HTR1F: variants seen among roughly 807,000 people sequenced by gnomAD.
HTR1F encodes the protein 5-hydroxytryptamine (serotonin) receptor 1F, G protein-coupled.
Under a neutral mutation model 24.0 loss-of-function variants are expected in HTR1F, and 17 were observed. That is an observed-to-expected ratio of 0.71 (90% CI 0.48 to 1.06). The LOEUF is 1.06. HTR1F is among the 50% of genes least tolerant of loss of function. The pLI is 0.00. For missense variants in HTR1F, 391 were observed against 427.8 expected (o/e 0.91, Z 0.76); for synonymous variants, 186 against 156.8 (o/e 1.19, Z -1.39).
At chr3:87,876,258 A>T (rs1705671224) in intron 2 of HTR1F, among the ~76,000 whole-genome samples, 1 of 152,194 alleles carries the variant, frequency 6.6e-6, no homozygotes, top group Non-Finnish European at 1.5e-5. Flanking sequence ...CTGGGTATAT[A>T]TCTCCAAAAT....
At chr3:87,811,581 G>T (rs1344151960) in intron 1 of HTR1F, among the ~76,000 whole-genome samples, 1 of 152,118 alleles carries the variant, frequency 6.6e-6, no homozygotes, top group East Asian at 1.9e-4. Flanking sequence ...CCAAATGAAA[G>T]TGTTTTGACT....
chr3:87,975,939 A>G (rs1233354510), intron 2 of HTR1F, among the ~76,000 whole-genome samples: 1 of 152,316 alleles, frequency 6.6e-6, no homozygotes, highest in African/African-American at 2.4e-5. Context: ...ACTGACAGCA[A>G]TTAGCACTCA....
intron 1 of HTR1F, among the ~76,000 whole-genome samples, chr3:87,811,222 T>C (rs1047341376): frequency 6.6e-6 from 1 of 151,986 alleles, no homozygotes; most frequent in Admixed American, 6.6e-5. Context: ...TGATTTACCA[T>C]AGATCTGCCT....
chr3:87,982,933 G>T (rs1705582949), intron 2 of HTR1F, among the ~76,000 whole-genome samples: 1 of 151,280 alleles, frequency 6.6e-6, no homozygotes, highest in African/African-American at 2.4e-5. Context: ...TCTGTTTCTT[G>T]ACTTGATACA....
rs73847720 is a variant in HTR1F at position 87,927,144 on chromosome 3, G to A, written c.-42-63564G>A. On this transcript the variant is annotated intron_variant, in intron 2 of 2. Transcript: ENST00000319595. Reference sequence around the variant, plus strand: ...CTGTCAAACAAAAAACTAGTACCATGGTTATATGCCACAACTTAAGTGTAG... The same window carrying A: ...CTGTCAAACAAAAAACTAGTACCATAGTTATATGCCACAACTTAAGTGTAG... Among the ~76,000 whole-genome samples the A allele has an allele frequency of 4.6e-3, 699 of 152,162 alleles. 3 individuals are homozygous for A. The highest frequency in any genetic ancestry group is 0.016 in the African/African-American group (666 of 41,528).
rs1409303998 is a variant in HTR1F at position 87,953,101 on chromosome 3, A to G, written c.-42-37607A>G. Reference sequence around the variant, plus strand: ...TAAGACATGAAACTATTAAACTACTAGAATAAATATAGGGAAAACATTTCA... The same window carrying G: ...TAAGACATGAAACTATTAAACTACTGGAATAAATATAGGGAAAACATTTCA... On this transcript the variant is annotated intron_variant, in intron 2 of 2. Coordinates refer to ENST00000319595, the MANE Select transcript of HTR1F (RefSeq NM_001322209.2). Among the ~76,000 whole-genome samples the G allele has an allele frequency of 2.0e-5, 3 of 151,860 alleles. No individual in the cohort carries two copies. The East Asian group carries it at 5.8e-4, about 29-fold the overall frequency.
At chr3:87,825,060 T>C (rs944806747) in intron 2 of HTR1F, among the ~76,000 whole-genome samples, 5 of 152,242 alleles carry the variant, frequency 3.3e-5, no homozygotes, top group African/African-American at 9.6e-5. Context: ...AATTGTGCAA[T>C]GGTCAAAGCA....
At position 87,876,122 on chromosome 3, in the gene HTR1F, T is replaced by C. The variant is rs138757547; in HGVS notation, c.-43+53998T>C. ...AAAATAACAAGTGTTGGGAAGGATG[T>C]GTAGAATTGGAGACTTTGTGTGCTG... On this transcript the variant is annotated intron_variant, in intron 2 of 2. Coordinates refer to ENST00000319595, the MANE Select transcript of HTR1F (RefSeq NM_001322209.2). Among the ~76,000 whole-genome samples the C allele has an allele frequency of 1.6e-3, 248 of 152,228 alleles. 1 individual carries two copies. Among genetic ancestry groups the C allele is most frequent in the South Asian group, 3.3e-3 (16 of 4,818 alleles).
At chr3:87,923,459 T>A (rs1036657521) in intron 2 of HTR1F, among the ~76,000 whole-genome samples, 6 of 151,970 alleles carry the variant, frequency 3.9e-5, no homozygotes, top group African/African-American at 1.2e-4. Flanking sequence ...ATTTTTTTGG[T>A]CCTTGATTAA....
chr3:87,927,127 C>G (rs1704144441), intron 2 of HTR1F, among the ~76,000 whole-genome samples: 1 of 152,012 alleles, frequency 6.6e-6, no homozygotes, highest in Admixed American at 6.6e-5. Flanking sequence ...ACCTGTCAAA[C>G]AAAAAACTAG....
chr3:87,848,841 T>C (rs1481705765), intron 2 of HTR1F, among the ~76,000 whole-genome samples: 1 of 151,538 alleles, frequency 6.6e-6, no homozygotes, highest in Non-Finnish European at 1.5e-5. Context: ...AAATCATGAG[T>C]GAACTCCCAT....
chr3:87,941,830 C>T (rs938558186), intron 2 of HTR1F, among the ~76,000 whole-genome samples: 4 of 152,068 alleles, frequency 2.6e-5, no homozygotes, highest in African/African-American at 9.7e-5. Flanking sequence ...GGACAATGGC[C>T]TCACTGATAA....
intron 1 of HTR1F, among the ~76,000 whole-genome samples, chr3:87,814,982 G>A (rs928311330): frequency 2.6e-5 from 4 of 152,020 alleles, no homozygotes; most frequent in African/African-American, 9.7e-5. Context: ...AATTTAAAAA[G>A]CTATGGGCAA....
intron 2 of HTR1F, among the ~76,000 whole-genome samples, chr3:87,971,604 T>C (rs1451163717): frequency 2.0e-5 from 3 of 152,182 alleles, no homozygotes; most frequent in South Asian, 4.1e-4. Context: ...AACAAATGCA[T>C]AATGGGTGCA....
At chr3:87,842,580 A>G (rs2938280) in intron 2 of HTR1F, among the ~76,000 whole-genome samples, 1,860 of 151,792 alleles carry the variant, frequency 0.012, 55 homozygotes, top group African/African-American at 0.043. Context: ...TTTCCTGGGG[A>G]AAAAAACCGT....
At chr3:87,940,224 C>T (rs1559641571) in intron 2 of HTR1F, among the ~76,000 whole-genome samples, 3 of 152,108 alleles carry the variant, frequency 2.0e-5, no homozygotes, top group East Asian at 1.9e-4. Flanking sequence ...CTGTGATCTG[C>T]GAGACTGTTT....
intron 2 of HTR1F, among the ~76,000 whole-genome samples, chr3:87,853,098 C>T (rs370164468): frequency 1.1e-4 from 16 of 150,556 alleles, no homozygotes; most frequent in African/African-American, 3.2e-4. Context: ...ACTCCCACTC[C>T]GCTAGTTTCT....
At chr3:87,893,894 G>T (rs879897393) in intron 2 of HTR1F, among the ~76,000 whole-genome samples, 1 of 152,112 alleles carries the variant, frequency 6.6e-6, no homozygotes, top group Non-Finnish European at 1.5e-5. Context: ...CATACACATT[G>T]TATTACAGTC....
intron 2 of HTR1F, among the ~76,000 whole-genome samples, chr3:87,975,716 G>A (rs187989246): frequency 6.6e-6 from 1 of 152,234 alleles, no homozygotes; most frequent in Admixed American, 6.5e-5. Context: ...TACTAAACAA[G>A]TCTCAGCCAA....
Sources: allele counts gnomAD v4.1 joint callset (sites outside exome capture counted in the v4.1 genomes callset), GRCh38; gene constraint gnomAD v4.1.1; transcripts MANE v1.5; gene names NCBI Gene and HGNC (gene_info 2026-07-23, HGNC 2026-07-21).